Variants in PJA2 observed in about 807,000 individuals in gnomAD.
PJA2 encodes the protein E3 ubiquitin-protein ligase Praja-2.
Under a neutral mutation model 69.3 loss-of-function variants are expected in PJA2, and 25 were observed. The observed-to-expected ratio is 0.36, with a 90% CI of 0.26 to 0.50. The LOEUF is 0.50. Among genes scored for constraint, PJA2 ranks in the 20% least tolerant of loss-of-function variants. PJA2 has a pLI of 0.96. For synonymous variants in PJA2, 308 were observed against 277.8 expected (o/e 1.11, Z -1.08); for missense variants, 809 against 830.2 (o/e 0.97, Z 0.31).
At chr5:109,369,255 G>A (rs1012722989) in intron 4 of PJA2, among the ~76,000 whole-genome samples, 2 of 152,168 alleles carry the variant, frequency 1.3e-5, no homozygotes, top group Non-Finnish European at 2.9e-5. Context: ...AGTATAGAGT[G>A]GAGTGTCGAT....
At chr5:109,339,017 A>C (rs1054871398) in intron 9 of PJA2, among the ~76,000 whole-genome samples, 9 of 152,246 alleles carry the variant, frequency 5.9e-5, no homozygotes, top group African/African-American at 2.2e-4. Context: ...TATATCATCT[A>C]ATCTTACAGA....
chr5:109,376,819 T>A (rs1746899057), intron 4 of PJA2, among the ~76,000 whole-genome samples: 1 of 152,118 alleles, frequency 6.6e-6, no homozygotes, highest in South Asian at 2.1e-4. Context: ...AACTACTACT[T>A]AACAAACCCC....
At chr5:109,357,031 C>T (rs1022070512) in intron 6 of PJA2, among the ~76,000 whole-genome samples, 2 of 151,990 alleles carry the variant, frequency 1.3e-5, no homozygotes, top group South Asian at 4.2e-4. Flanking sequence ...AATCTTGCTC[C>T]CTTGGAAATT....
At chr5:109,398,615 C>A (rs1747469731) in intron 1 of PJA2, among the ~76,000 whole-genome samples, 2 of 113,768 alleles carry the variant, frequency 1.8e-5, no homozygotes, top group African/African-American at 7.1e-5. Context: ...GGGAACATCA[C>A]CGGGGCCTGT....
At chr5:109,345,595 T>C (rs1762161568) in intron 7 of PJA2, among the ~76,000 whole-genome samples, 1 of 152,166 alleles carries the variant, frequency 6.6e-6, no homozygotes, top group Non-Finnish European at 1.5e-5. Flanking sequence ...GTGGTTACTT[T>C]TTCCAACTAT....
chr5:109,409,451 G>C (rs78257390), intron 1 of PJA2: 4,640 of 152,644 alleles, frequency 0.03, 91 homozygotes, highest in Middle Eastern at 0.047. Flanking sequence ...TGGTTGGGGG[G>C]CAAACTCTTG....
chr5:109,365,018 C>T (rs1231803078), intron 5 of PJA2, among the ~76,000 whole-genome samples: 1 of 152,118 alleles, frequency 6.6e-6, no homozygotes, highest in Non-Finnish European at 1.5e-5. Context: ...TGAAGAAAGG[C>T]AATTCATATA....
intron 1 of PJA2, among the ~76,000 whole-genome samples, chr5:109,408,189 G>T (rs1311716705): frequency 6.6e-6 from 1 of 152,144 alleles, no homozygotes; most frequent in Admixed American, 6.5e-5. Context: ...CAAGATGCAA[G>T]CAGGACTAGA....
At chr5:109,388,839 T>C (rs1463516450) in intron 1 of PJA2, among the ~76,000 whole-genome samples, 3 of 152,200 alleles carry the variant, frequency 2.0e-5, no homozygotes, top group Non-Finnish European at 4.4e-5. Context: ...ATCAGTCTTG[T>C]ATAATTAACT....
intron 9 of PJA2, among the ~76,000 whole-genome samples, chr5:109,341,407 C>A (rs561389475): frequency 6.9e-6 from 1 of 144,352 alleles, no homozygotes. Flanking sequence ...TGCCGGGCAA[C>A]CACCCCGTCT....
chr5:109,387,104 T>A (rs1215589573), intron 1 of PJA2, among the ~76,000 whole-genome samples: 5 of 152,196 alleles, frequency 3.3e-5, no homozygotes, highest in African/African-American at 7.2e-5. Context: ...ACTGGGAGAT[T>A]TCACTCATTT....
At chr5:109,341,911 T>C (rs1389782156) in intron 9 of PJA2, among the ~76,000 whole-genome samples, 9 of 78,084 alleles carry the variant, frequency 1.2e-4, no homozygotes, top group East Asian at 9.2e-4. Flanking sequence ...CCGCCCCGTC[T>C]GGGAGGTGAG....
At position 109,356,029 on chromosome 5, in the gene PJA2, G is replaced by GA. The variant is rs199524515; in HGVS notation, c.1653-4dup. On this transcript the variant is annotated splice_region_variant and splice_polypyrimidine_tract_variant and intron_variant, in intron 6 of 9. Transcript: ENST00000361189. ...CATCTGCAAAGCCATCAAATAGGCT[G>GA]AAAAAAAAAAAAAATAACAGAAAAA... 0.021 allele frequency: 28,880 copies of GA among 1,356,420 alleles called. 5 individuals carry two copies. Among genetic ancestry groups the GA allele is most frequent in the East Asian group, 0.067 (2,502 of 37,226 alleles). 84.0% of individuals were successfully genotyped at this position (1,356,420 alleles called of 1,614,324 possible).
rs940772806 is a variant in PJA2 at position 109,353,451 on chromosome 5, T to C, written c.1764+2464A>G. Among the ~76,000 whole-genome samples the C allele has an allele frequency of 3.6e-5, 4 of 111,882 alleles. 1 individual carries two copies. The highest frequency in any genetic ancestry group is 8.0e-5 in the Non-Finnish European group (4 of 49,872). The allele number at this position is 111,882 out of a possible 152,430, so 73.4% of individuals were successfully genotyped here. ...TTAGATACCTATATATAGATATCTA[T>C]ATATTAGATACCTATATCTATAGAT... is the stretch of plus-strand genomic sequence containing the variant. On this transcript the variant is annotated intron_variant, in intron 7 of 9. Transcript: ENST00000361189.
chr5:109,403,476 C>A (rs1410427353), intron 1 of PJA2, among the ~76,000 whole-genome samples: 4 of 151,450 alleles, frequency 2.6e-5, no homozygotes, highest in African/African-American at 4.9e-5. Context: ...CTAATAAATT[C>A]TTTTTCAAAA....
At chr5:109,400,348 A>T (rs1283834987) in intron 1 of PJA2, among the ~76,000 whole-genome samples, 2 of 151,934 alleles carry the variant, frequency 1.3e-5, no homozygotes, top group Non-Finnish European at 2.9e-5. Context: ...ATAAAAAGTG[A>T]TTTAACTGAA....
intron 3 of PJA2, among the ~76,000 whole-genome samples, chr5:109,380,866 T>C (rs1582615836): frequency 1.3e-5 from 2 of 150,862 alleles, no homozygotes; most frequent in South Asian, 4.2e-4. Flanking sequence ...CCCAGCACTT[T>C]GGGAAGCCAG....
chr5:109,383,352 C>T (rs1747092686), intron 2 of PJA2, 51 bp downstream of exon 2: 3 of 1,565,104 alleles, frequency 1.9e-6, no homozygotes, highest in Non-Finnish European at 1.8e-6. Context: ...CTCAAGGTAC[C>T]CAGAGGAAAA....
intron 6 of PJA2, among the ~76,000 whole-genome samples, chr5:109,359,643 TGTCAGG>T (rs1323954537): frequency 6.6e-6 from 1 of 152,118 alleles, no homozygotes; most frequent in African/African-American, 2.4e-5. Flanking sequence ...TTTTTAAAAA[TGTCAGG>T]GTTATGAAAA....
Sources: allele counts gnomAD v4.1 joint callset (sites outside exome capture counted in the v4.1 genomes callset), GRCh38; gene constraint gnomAD v4.1.1; transcripts MANE v1.5; gene names NCBI Gene and HGNC (gene_info 2026-07-23, HGNC 2026-07-21).